Variants in OTOP1 observed in about 807,000 individuals in gnomAD.
The protein encoded by OTOP1 is otopetrin 1.
Under a neutral mutation model 52.9 loss-of-function variants are expected in OTOP1, and 59 were observed. That is an observed-to-expected ratio of 1.12 (90% confidence interval 0.91 to 1.39). OTOP1 has a LOEUF of 1.39. Among genes scored for constraint, OTOP1 ranks in the 40% most tolerant of loss-of-function variants. The pLI, the probability that OTOP1 is intolerant of heterozygous loss-of-function variation, is 0.00. For missense variants in OTOP1, 761 were observed against 800.9 expected (o/e 0.95, Z 0.60); for synonymous variants, 317 against 337.7 (o/e 0.94, Z 0.67).
At position 4,206,111 on chromosome 4, in the gene OTOP1, T is replaced by C. The variant is rs1186831802; in HGVS notation, c.560A>G (p.His187Arg). Residue 187 changes from histidine to arginine, a missense_variant, in exon 3 of 6, where the codon CAT becomes CGT. Physicochemically the swap from His to Arg is conservative, Grantham distance 29. Transcript: ENST00000296358. ...TLLQVYFLWG[H>R]AKDIIQSFKT... ...GAAAGACTGGATAATATCCTTTGCA[T>C]GCCCCCAAAGAAAATATACCTAGAT... 5 of 1,607,644 alleles carry C rather than the reference T, an allele frequency of 3.1e-6. No individual in the cohort carries two copies. In the African/African-American group the frequency reaches 5.4e-5, roughly 17 times the overall value.
At chr4:4,208,497 G>A (rs573530169) in intron 2 of OTOP1, among the ~76,000 whole-genome samples, 79 of 152,268 alleles carry the variant, frequency 5.2e-4, no homozygotes, top group Non-Finnish European at 4.4e-4. Flanking sequence ...CCTTGAGAAC[G>A]TTATGCTGTG....
Position 4,213,963 on chromosome 4 carries a change from G to T in OTOP1, c.404-959C>A, listed in dbSNP as rs534459615. ...AATTAGCCTTGGTATGGTGGTGCATGCCTATAATCCCAGCTACTTGGGATG... is the reference window on the plus strand; with the variant it reads ...AATTAGCCTTGGTATGGTGGTGCATTCCTATAATCCCAGCTACTTGGGATG... On this transcript the variant is annotated intron_variant, in intron 1 of 5. Transcript: ENST00000296358. Among the ~76,000 whole-genome samples, 12 of 152,254 alleles carry T rather than the reference G, an allele frequency of 7.9e-5. No homozygotes were observed. In the South Asian group the frequency reaches 2.5e-3, roughly 32 times the overall value.
chr4:4,200,663 C>A (rs1262983164), intron 4 of OTOP1, among the ~76,000 whole-genome samples: 1 of 150,782 alleles, frequency 6.6e-6, no homozygotes, highest in Non-Finnish European at 1.5e-5. Flanking sequence ...AAGTGATCCA[C>A]CTGCGTCAGT....
At chr4:4,211,496 T>C (rs13151513) in intron 2 of OTOP1, among the ~76,000 whole-genome samples, 11,569 of 152,296 alleles carry the variant, frequency 0.076, 604 homozygotes, top group Middle Eastern at 0.14. Flanking sequence ...CATGGGCAAA[T>C]CTGGAGGACA....
chr4:4,225,670 T>C (rs997068273), intron 1 of OTOP1, among the ~76,000 whole-genome samples: 1 of 152,012 alleles, frequency 6.6e-6, no homozygotes, highest in African/African-American at 2.4e-5. Context: ...TCTATCCCTC[T>C]TTGCCCCACC....
In OTOP1 at chr4:4,206,092, CT is replaced by C; in HGVS notation, c.578del (p.Gln193ArgfsTer11). 1 of 1,607,224 alleles carries C rather than the reference CT, an allele frequency of 6.2e-7. No individual in the cohort carries two copies. The highest frequency in any genetic ancestry group is 8.5e-7 in the Non-Finnish European group (1 of 1,174,058). On this transcript the variant is annotated frameshift_variant, in exon 3 of 6. Coordinates refer to ENST00000296358, the MANE Select transcript of OTOP1 (RefSeq NM_177998.3). LOFTEE classifies it high-confidence loss of function. Reference sequence around the variant, plus strand: ...TTTACCTTTCCAGTGTTTTGAAAGACTGGATAATATCCTTTGCATGCCCCCA... The same window carrying C: ...TTTACCTTTCCAGTGTTTTGAAAGACGGATAATATCCTTTGCATGCCCCCA... ...FLWGHAKDII[Q>X]SFKTLERFGV... is the part of the protein sequence containing the mutation.
At chr4:4,198,536 G>C (rs79569833) in intron 4 of OTOP1, among the ~76,000 whole-genome samples, 7 of 152,084 alleles carry the variant, frequency 4.6e-5, no homozygotes, top group Non-Finnish European at 8.8e-5. Flanking sequence ...TATTTTCTAA[G>C]TTTTCTCTGT....
At chr4:4,196,197 T>C (rs1432206869) in intron 5 of OTOP1, among the ~76,000 whole-genome samples, 4 of 152,124 alleles carry the variant, frequency 2.6e-5, no homozygotes, top group Non-Finnish European at 4.4e-5. Flanking sequence ...GGCAGGAGGA[T>C]TGTTTGAGCC....
chr4:4,201,903 A>C (rs1716796650), intron 4 of OTOP1, among the ~76,000 whole-genome samples: 1 of 152,234 alleles, frequency 6.6e-6, no homozygotes, highest in South Asian at 2.1e-4. Context: ...AAAGGATTTT[A>C]GATGAAAATA....
chr4:4,188,726 T>A lies in OTOP1; in HGVS notation c.*77A>T. 1 of 1,372,462 alleles carries A rather than the reference T, an allele frequency of 7.3e-7. No homozygotes were observed. Among genetic ancestry groups the A allele is most frequent in the East Asian group, 2.5e-5 (1 of 39,834 alleles). The allele number at this position is 1,372,462 out of a possible 1,614,324, so 85.0% of individuals were successfully genotyped here. ...CCCTTCTCATATTTGTCAGGCAATA[T>A]TTGCCCAACCTGGCCACTCCTAGTT... On this transcript the variant is annotated 3_prime_UTR_variant, in exon 6 of 6. Transcript: ENST00000296358.
intron 1 of OTOP1, among the ~76,000 whole-genome samples, chr4:4,213,222 C>G (rs1356959858): frequency 6.6e-6 from 1 of 151,932 alleles, no homozygotes. Context: ...GAATTTGGAC[C>G]CTCACCTTAC....
intron 2 of OTOP1, among the ~76,000 whole-genome samples, chr4:4,212,102 T>C (rs1192076752): frequency 6.6e-6 from 1 of 151,946 alleles, no homozygotes; most frequent in Non-Finnish European, 1.5e-5. Context: ...AACATATACA[T>C]AAAAAAGAAA....
chr4:4,223,214 C>T (rs928262870), intron 1 of OTOP1, among the ~76,000 whole-genome samples: 1 of 152,244 alleles, frequency 6.6e-6, no homozygotes, highest in Non-Finnish European at 1.5e-5. Flanking sequence ...ACACCTCAAA[C>T]ATAGCATGTC....
intron 5 of OTOP1, among the ~76,000 whole-genome samples, chr4:4,193,117 T>G (rs1716549142): frequency 6.6e-6 from 1 of 152,096 alleles, no homozygotes; most frequent in Non-Finnish European, 1.5e-5. Context: ...CTTCCATGGT[T>G]TTCTCTTGCG....
intron 5 of OTOP1, among the ~76,000 whole-genome samples, chr4:4,194,777 T>A (rs1345534145): frequency 6.6e-6 from 1 of 152,170 alleles, no homozygotes; most frequent in Admixed American, 6.5e-5. Context: ...GGCACTCCCC[T>A]CCAGCCACCA....
At chr4:4,216,724 A>T (rs758692321) in intron 1 of OTOP1, among the ~76,000 whole-genome samples, 2 of 152,226 alleles carry the variant, frequency 1.3e-5, no homozygotes, top group Admixed American at 1.3e-4. Context: ...ATTACAAAAA[A>T]ACATAGCAAG....
intron 4 of OTOP1, among the ~76,000 whole-genome samples, chr4:4,199,562 G>A: frequency 6.6e-6 from 1 of 151,996 alleles, no homozygotes; most frequent in Non-Finnish European, 1.5e-5. Context: ...ACAGGCCCGT[G>A]CCACCACGCC....
chr4:4,198,185 C>T (rs1288203840), intron 4 of OTOP1, 82 bp from the exon 5 acceptor site: 29 of 1,230,804 alleles, frequency 2.4e-5, no homozygotes, highest in Middle Eastern at 4.9e-4. Flanking sequence ...CTGTTTCCAC[C>T]GTGGATTCAG....
At chr4:4,200,553 CT>C (rs1216589941) in intron 4 of OTOP1, among the ~76,000 whole-genome samples, 2,202 of 141,818 alleles carry the variant, frequency 0.016, 56 homozygotes, top group African/African-American at 0.051. Flanking sequence ...TTTTCTTTTT[CT>C]TTTTTTTTTT....
Sources: allele counts gnomAD v4.1 joint callset (sites outside exome capture counted in the v4.1 genomes callset), GRCh38; gene constraint gnomAD v4.1.1; transcripts MANE v1.5; gene names NCBI Gene and HGNC (gene_info 2026-07-23, HGNC 2026-07-21).